The following TAF12 variants were observed in gnomAD, a reference collection of about 807,000 sequenced individuals.
TAF12 encodes TATA-box binding protein associated factor 12.
In TAF12, 3 loss-of-function variants were observed where a neutral mutation model predicts 20.8. The ratio of observed to expected loss-of-function variants is 0.14; its 90% CI spans 0.07 to 0.37. TAF12 has a LOEUF of 0.37. Ranked by LOEUF, TAF12 falls within the 10% of genes least tolerant of loss-of-function variation. The pLI, the probability that TAF12 is intolerant of heterozygous loss-of-function variation, is 1.00. For synonymous variants in TAF12, 69 were observed against 70.2 expected, an observed-to-expected ratio of 0.98 and a Z score of 0.09; for missense variants, 131 against 197.9, an observed-to-expected ratio of 0.66 and a Z score of 2.03.
At chr1:28,620,466 C>T (rs746349301) in intron 2 of TAF12, among the ~76,000 whole-genome samples, 55 of 148,574 alleles carry the variant, frequency 3.7e-4, no homozygotes, top group Non-Finnish European at 5.3e-4. Context: ...AACAGAGTCT[C>T]GCTCTGTCGC....
chr1:28,606,296 C>T (rs1282722989), intron 4 of TAF12, among the ~76,000 whole-genome samples: 1 of 151,976 alleles, frequency 6.6e-6, no homozygotes, highest in Non-Finnish European at 1.5e-5. Flanking sequence ...CGCACCTGGC[C>T]TCAGCTAATT....
upstream of TAF12, among the ~76,000 whole-genome samples, chr1:28,645,385 C>T (rs567182016): frequency 1.2e-3 from 178 of 150,014 alleles, no homozygotes; most frequent in Admixed American, 3.9e-3. Context: ...CACCCTGGCT[C>T]ACGCCTGTAA....
chr1:28,635,857 G>A (rs1383368632), intron 1 of TAF12, among the ~76,000 whole-genome samples: 4 of 151,846 alleles, frequency 2.6e-5, no homozygotes, highest in African/African-American at 9.7e-5. Context: ...GAAGAGAAAG[G>A]GGAACAGAAG....
At chr1:28,620,994 T>G (rs926068956) in intron 2 of TAF12, among the ~76,000 whole-genome samples, 1 of 152,192 alleles carries the variant, frequency 6.6e-6, no homozygotes, top group Non-Finnish European at 1.5e-5. Flanking sequence ...TACTGCCAAG[T>G]TAATCCTCTA....
At chr1:28,635,948 G>A (rs1667810402) in intron 1 of TAF12, among the ~76,000 whole-genome samples, 1 of 152,016 alleles carries the variant, frequency 6.6e-6, no homozygotes, top group Non-Finnish European at 1.5e-5. Context: ...GAATCAAGAG[G>A]ACTGGCCTGA....
At chr1:28,622,395 G>A (rs1489126920) in intron 1 of TAF12, among the ~76,000 whole-genome samples, 1 of 150,906 alleles carries the variant, frequency 6.6e-6, no homozygotes, top group Non-Finnish European at 1.5e-5. Context: ...GTAAAATGAG[G>A]TCTGTTAGAC....
At chr1:28,629,901 A>C (rs1667561570) in intron 1 of TAF12, among the ~76,000 whole-genome samples, 1 of 151,642 alleles carries the variant, frequency 6.6e-6, no homozygotes, top group Admixed American at 6.6e-5. Flanking sequence ...CAGCTTCCCA[A>C]ATAGCTGGGG....
chr1:28,639,990 G>A (rs547371326), intron 1 of TAF12, among the ~76,000 whole-genome samples: 1 of 152,206 alleles, frequency 6.6e-6, no homozygotes, highest in African/African-American at 2.4e-5. Flanking sequence ...CTACAGGCAT[G>A]TGCCACCATG....
chr1:28,625,699 G>A (rs889376852), intron 1 of TAF12, among the ~76,000 whole-genome samples: 2 of 151,864 alleles, frequency 1.3e-5, no homozygotes, highest in East Asian at 1.9e-4. Flanking sequence ...CCACCACCAC[G>A]CCCAGCTATT....
intron 1 of TAF12, among the ~76,000 whole-genome samples, chr1:28,631,316 GT>G (rs1285806302): frequency 6.6e-6 from 1 of 152,078 alleles, no homozygotes; most frequent in Non-Finnish European, 1.5e-5. Context: ...GAGGTCAGGA[GT>G]TTGAGACCAG....
At chr1:28,645,515 G>A (rs1192839208), upstream of TAF12, among the ~76,000 whole-genome samples, 1 of 151,658 alleles carries the variant, frequency 6.6e-6, no homozygotes, top group Non-Finnish European at 1.5e-5. Flanking sequence ...GGGCGTGGTG[G>A]TGCACGCCTG....
chr1:28,622,005 G>A lies in TAF12; in HGVS notation c.77C>T (p.Pro26Leu), dbSNP rs1306123502. ...SSIKPEPAST[P>L]PQGSMANSTA... ...ACTATTGGCCATGGAGCCTTGTGGA[G>A]GGGTGCTGGCTGGTTCCGGTTTTAT... Residue 26 changes from proline (P) to leucine (L), a missense_variant, in exon 2 of 6, where the codon CCT (proline) becomes CTT (leucine). By Grantham distance (98) the Pro-to-Leu change is moderately conservative. Around this residue, in one of 3 missense-constraint regions of TAF12, gnomAD observed 63 missense variants for 72.1 expected, o/e 0.87. Transcript: ENST00000373824. 5 of 1,614,104 alleles carry A rather than the reference G, an allele frequency of 3.1e-6. No individual in the cohort carries two copies. Among genetic ancestry groups the A allele is most frequent in the Non-Finnish European group, 4.2e-6 (5 of 1,180,030 alleles).
At chr1:28,630,518 C>G (rs1257061646) in intron 1 of TAF12, among the ~76,000 whole-genome samples, 3 of 151,756 alleles carry the variant, frequency 2.0e-5, no homozygotes, top group African/African-American at 7.3e-5. Flanking sequence ...CGCCACTGCA[C>G]TCCAGCCTAG....
chr1:28,635,557 G>A (rs1374665802), intron 1 of TAF12, among the ~76,000 whole-genome samples: 5 of 150,506 alleles, frequency 3.3e-5, no homozygotes, highest in African/African-American at 9.8e-5. Context: ...TGCCCACCTC[G>A]GCCTCCCAAA....
rs1667130231 is a variant in TAF12, at chr1:28,619,178, C to T, written c.169-1148G>A. ...GACCAGCCTGGGCAACATGGCGAGA[C>T]TGCATCTCTATTTAAAAAAAACATC... On this transcript the variant is annotated intron_variant, in intron 2 of 5. Coordinates refer to ENST00000373824, the MANE Select transcript of TAF12 (RefSeq NM_005644.4). Among the ~76,000 whole-genome samples the T allele has an allele frequency of 4.6e-5, 7 of 152,134 alleles. No individual in the cohort carries two copies. The South Asian group carries it at 1.5e-3, about 32-fold the overall frequency.
intron 4 of TAF12, among the ~76,000 whole-genome samples, chr1:28,608,175 C>CAAAAAAAAAAAA (rs58747974): frequency 4.7e-5 from 3 of 63,700 alleles, no homozygotes; most frequent in Admixed American, 2.0e-4. Context: ...ACTAAAAATA[C>CAAAAAAAAAAAA]AAAAAAAAAA....
rs376483218 is a variant in TAF12 at position 28,605,457 on chromosome 1, C to T, written c.365G>A (p.Arg122His). 20 of 1,613,904 alleles carry T rather than the reference C, an allele frequency of 1.2e-5. No individual in the cohort carries two copies. Among genetic ancestry groups the T allele is most frequent in the Admixed American group, 5.0e-5 (3 of 59,980 alleles). Residue 122 changes from arginine (R) to histidine (H), a missense_variant, in exon 5 of 6, where the codon CGC becomes CAC. By Grantham distance (29) the Arg-to-His change is conservative (BLOSUM62 0). Around this residue, in one of 3 missense-constraint regions of TAF12, gnomAD observed 60 missense variants for 90.2 expected, o/e 0.66. Coordinates refer to ENST00000373824, the MANE Select transcript of TAF12 (RefSeq NM_005644.4). The stretch of plus-strand genomic sequence containing the variant: ...TCCTGGGATCCACATGTTCCACTGG[C>T]GCTCTGCAAGGAAGAAGCCAGCACA... ...EVKDVQLHLE[R>H]QWNMWIPGFG...
At chr1:28,613,117 T>C in intron 4 of TAF12, 130 bp downstream of exon 4, 1 of 628,018 alleles carries the variant, frequency 1.6e-6, no homozygotes, top group Non-Finnish European at 2.6e-6. Flanking sequence ...GGTGCTGTTA[T>C]TGAATTAATA....
chr1:28,617,435 G>T (rs544436658), intron 3 of TAF12, among the ~76,000 whole-genome samples: 1 of 151,178 alleles, frequency 6.6e-6, no homozygotes, highest in African/African-American at 2.4e-5. Flanking sequence ...ACACCACCAC[G>T]CTCAGCTAAT....
Sources: allele counts gnomAD v4.1 joint callset (sites outside exome capture counted in the v4.1 genomes callset), GRCh38; gene constraint gnomAD v4.1.1; regional missense constraint gnomAD v4.1.1; transcripts MANE v1.5; gene names NCBI Gene and HGNC (gene_info 2026-07-23, HGNC 2026-07-21).